The following PTPN2 variants were observed in gnomAD, a reference collection of about 807,000 sequenced individuals.
PTPN2 encodes the protein tyrosine-protein phosphatase non-receptor type 2.
Under a neutral mutation model 57.3 loss-of-function variants are expected in PTPN2, and 19 were observed. The observed-to-expected ratio is 0.33, with a 90% CI of 0.23 to 0.49. The LOEUF (loss-of-function observed/expected upper bound fraction) is 0.49. Ranked by LOEUF, PTPN2 falls within the 20% of genes least tolerant of loss-of-function variation. PTPN2 has a pLI of 0.99. For synonymous variants in PTPN2, 153 were observed against 164.9 expected (o/e 0.93, Z 0.55); for missense variants, 358 against 501.1 (o/e 0.71, Z 2.73).
Position 12,793,330 on chromosome 18 carries a change from T to C in PTPN2, c.*948A>G, listed in dbSNP as rs2041040145. The C allele has an allele frequency of 2.1e-6, 2 of 975,466 alleles. No homozygotes were observed. Among genetic ancestry groups the C allele is most frequent in the Non-Finnish European group, 2.4e-6 (2 of 820,326 alleles). 60.4% of individuals were successfully genotyped at this position (975,466 alleles called of 1,614,324 possible). A position where few individuals can be genotyped will look rare whatever the true frequency, so the allele number is the denominator to read the frequency against. ...ACTTCAAAACTTCAGTCTAGTAAAC[T>C]GAAATTATGAATCATAAAATGCTGC... is the stretch of plus-strand genomic sequence containing the variant. On this transcript the variant is annotated 3_prime_UTR_variant, in exon 9 of 9. Coordinates refer to ENST00000309660, the MANE Select transcript of PTPN2 (RefSeq NM_002828.4).
chr18:12,854,360 G>GAAAAAAAAA (rs11460042), intron 2 of PTPN2, among the ~76,000 whole-genome samples: 2 of 119,198 alleles, frequency 1.7e-5, no homozygotes, highest in East Asian at 2.4e-4. Context: ...ACCCTGTCTT[G>GAAAAAAAAA]AAAAAAAAAA....
At chr18:12,875,468 G>A (rs1367528123) in intron 1 of PTPN2, among the ~76,000 whole-genome samples, 42 of 152,162 alleles carry the variant, frequency 2.8e-4, no homozygotes, top group Admixed American at 2.7e-3. Context: ...AACTGATTGA[G>A]GATTTAGTAT....
chr18:12,839,552 T>A (rs1037567434), intron 2 of PTPN2: 2 of 152,106 alleles, frequency 1.3e-5, no homozygotes, highest in African/African-American at 4.8e-5. Flanking sequence ...AAGGATCCAG[T>A]AAAGGGAGAA....
chr18:12,874,165 G>A (rs1375936789), intron 1 of PTPN2, among the ~76,000 whole-genome samples: 1 of 151,506 alleles, frequency 6.6e-6, no homozygotes, highest in African/African-American at 2.4e-5. Flanking sequence ...GTGGGGGTCA[G>A]CCCCCGCCAG....
chr18:12,863,555 G>GC (rs1568161150), intron 1 of PTPN2: 1 of 144,558 alleles, frequency 6.9e-6, no homozygotes, highest in African/African-American at 2.5e-5. Flanking sequence ...TTTTTTTGGG[G>GC]GGGGGGGGGC....
intron 7 of PTPN2, among the ~76,000 whole-genome samples, chr18:12,813,609 T>C (rs2041970873): frequency 6.6e-6 from 1 of 152,220 alleles, no homozygotes; most frequent in Non-Finnish European, 1.5e-5. Flanking sequence ...CAACTTACAG[T>C]ATCTGCTTAT....
intron 7 of PTPN2, among the ~76,000 whole-genome samples, chr18:12,806,684 T>C (rs1598750732): frequency 2.0e-5 from 3 of 152,182 alleles, no homozygotes; most frequent in Non-Finnish European, 2.9e-5. Context: ...GCCAAGAATA[T>C]ACACTGGTGA....
At chr18:12,809,725 C>T (rs2041825980) in intron 7 of PTPN2, among the ~76,000 whole-genome samples, 1 of 152,162 alleles carries the variant, frequency 6.6e-6, no homozygotes, top group South Asian at 2.1e-4. Flanking sequence ...TTTTTTAGAA[C>T]TTATGGAATA....
At chr18:12,874,251 TG>T (rs1165412745) in intron 1 of PTPN2, among the ~76,000 whole-genome samples, 1 of 120,618 alleles carries the variant, frequency 8.3e-6, no homozygotes, top group African/African-American at 3.3e-5. Context: ...GGGAGGGAGG[TG>T]GGGGGTTCAG....
At chr18:12,864,914 C>T (rs7232191) in intron 1 of PTPN2, among the ~76,000 whole-genome samples, 5,314 of 152,156 alleles carry the variant, frequency 0.035, 329 homozygotes, top group African/African-American at 0.12. Context: ...ATTCATCTAG[C>T]TACTCTTCAT....
At chr18:12,858,927 G>T (rs576504847) in intron 2 of PTPN2, among the ~76,000 whole-genome samples, 3 of 152,286 alleles carry the variant, frequency 2.0e-5, no homozygotes, top group East Asian at 3.9e-4. Context: ...AAGAAAAACA[G>T]GTTGTGGGAA....
intron 1 of PTPN2, among the ~76,000 whole-genome samples, chr18:12,867,293 TG>T (rs1357576332): frequency 2.6e-5 from 4 of 152,018 alleles, no homozygotes; most frequent in Admixed American, 1.3e-4. Context: ...CACTCCAGCC[TG>T]GGTGACAAAG....
chr18:12,850,660 A>C (rs986119168), intron 2 of PTPN2, among the ~76,000 whole-genome samples: 31 of 152,274 alleles, frequency 2.0e-4, no homozygotes, highest in African/African-American at 7.5e-4. Context: ...TAAAACTTCC[A>C]AATTTATGGA....
chr18:12,802,262 A>T, intron 7 of PTPN2, 111 bp from the exon 8 acceptor site: 2 of 827,914 alleles, frequency 2.4e-6, no homozygotes, highest in Non-Finnish European at 3.6e-6. Flanking sequence ...AAACCCAATG[A>T]TGCTAAAAGA....
At chr18:12,809,677 A>T (rs1359588405) in intron 7 of PTPN2, among the ~76,000 whole-genome samples, 2 of 152,224 alleles carry the variant, frequency 1.3e-5, no homozygotes, top group Non-Finnish European at 2.9e-5. Context: ...CGAGGAGTCT[A>T]ATGATTTTGG....
At chr18:12,789,092 T>G (rs557610558), downstream of PTPN2, among the ~76,000 whole-genome samples, 19 of 151,964 alleles carry the variant, frequency 1.3e-4, 1 homozygote, top group African/African-American at 4.6e-4. Context: ...GATTGAGGAG[T>G]CCACACAATC....
intron 1 of PTPN2, among the ~76,000 whole-genome samples, chr18:12,877,025 TC>T (rs2044513436): frequency 6.6e-6 from 1 of 152,152 alleles, no homozygotes; most frequent in South Asian, 2.1e-4. Context: ...TGGATTTGAG[TC>T]CCAGTTATGA....
intron 5 of PTPN2, among the ~76,000 whole-genome samples, chr18:12,824,588 A>G (rs1339030311): frequency 2.0e-5 from 3 of 152,218 alleles, no homozygotes; most frequent in Non-Finnish European, 4.4e-5. Flanking sequence ...AAGCTATCAC[A>G]GTTTCTATTA....
intron 1 of PTPN2, among the ~76,000 whole-genome samples, chr18:12,883,158 G>A (rs1033884262): frequency 6.6e-6 from 1 of 152,176 alleles, no homozygotes; most frequent in African/African-American, 2.4e-5. Context: ...GCAAGGAAAG[G>A]CTATTTTGAT....
Sources: allele counts gnomAD v4.1 joint callset (sites outside exome capture counted in the v4.1 genomes callset), GRCh38; gene constraint gnomAD v4.1.1; transcripts MANE v1.5; gene names NCBI Gene and HGNC (gene_info 2026-07-23, HGNC 2026-07-21).